The following PRKG1 variants were observed in gnomAD, a reference collection of about 807,000 sequenced individuals.
PRKG1 encodes the protein protein kinase cGMP-dependent 1, also known as cGMP-dependent protein kinase 1.
In PRKG1, 35 loss-of-function variants were observed where a neutral mutation model predicts 88.1. That is an observed-to-expected ratio of 0.40 (90% confidence interval 0.30 to 0.53). PRKG1 has a LOEUF of 0.53. Among genes scored for constraint, PRKG1 ranks in the 20% least tolerant of loss-of-function variants. The pLI, the probability that PRKG1 is intolerant of heterozygous loss-of-function variation, is 0.59. For missense variants in PRKG1, 540 were observed against 839.8 expected (o/e 0.64, Z 4.41); for synonymous variants, 303 against 292.5 (o/e 1.04, Z -0.37).
chr10:52,228,497 G>A (rs538646656), intron 9 of PRKG1, among the ~76,000 whole-genome samples: 13 of 152,150 alleles, frequency 8.5e-5, no homozygotes, highest in African/African-American at 2.6e-4. Flanking sequence ...ATTTAGCCTG[G>A]GAATGAGAGG....
chr10:52,181,359 A>C (rs543864379), intron 9 of PRKG1, among the ~76,000 whole-genome samples: 1 of 150,928 alleles, frequency 6.6e-6, no homozygotes, highest in East Asian at 1.9e-4. Flanking sequence ...GTTGCTGTGA[A>C]GGAATACTTG....
chr10:51,695,752 A>G (rs892864320), intron 3 of PRKG1: 1 of 152,210 alleles, frequency 6.6e-6, no homozygotes, highest in Non-Finnish European at 1.5e-5. Flanking sequence ...CAGGTAGTAG[A>G]AAACAACAGC....
At chr10:51,230,801 T>A (rs1838824567) in intron 2 of PRKG1, among the ~76,000 whole-genome samples, 1 of 151,548 alleles carries the variant, frequency 6.6e-6, no homozygotes, top group Admixed American at 6.6e-5. Context: ...AAAAAAAGCC[T>A]GCACATGTTC....
Position 51,074,909 on chromosome 10 carries a change from G to T in PRKG1, c.311+8G>T. 6.3e-7 allele frequency: 1 copy of T among 1,590,080 alleles called. No homozygotes were observed. Among genetic ancestry groups the T allele is most frequent in the East Asian group, 2.3e-5 (1 of 44,092 alleles). Reference sequence around the variant, plus strand: ...CTACCCCAAGAGCCCACAGTAAGCAGGGGTGACGCGCCGGGTCCATGTGGC... The same window carrying T: ...CTACCCCAAGAGCCCACAGTAAGCATGGGTGACGCGCCGGGTCCATGTGGC... On this transcript the variant is annotated splice_region_variant and intron_variant, in intron 1 of 17. Coordinates refer to ENST00000373980, the MANE Select transcript of PRKG1 (RefSeq NM_006258.4).
At chr10:51,141,619 G>A (rs1395896835) in intron 1 of PRKG1, among the ~76,000 whole-genome samples, 1 of 152,164 alleles carries the variant, frequency 6.6e-6, no homozygotes, top group Non-Finnish European at 1.5e-5. Flanking sequence ...AAGGGACAAA[G>A]TTTTAAAGGA....
intron 3 of PRKG1, among the ~76,000 whole-genome samples, chr10:51,541,464 C>T (rs974391975): frequency 7.2e-5 from 11 of 152,062 alleles, no homozygotes; most frequent in Non-Finnish European, 1.3e-4. Flanking sequence ...GTTCATGGAT[C>T]GATATTCAAT....
chr10:51,256,190 C>A (rs1476919175), intron 2 of PRKG1, among the ~76,000 whole-genome samples: 2 of 152,108 alleles, frequency 1.3e-5, no homozygotes, highest in Non-Finnish European at 2.9e-5. Context: ...TCCCAAGAGC[C>A]CCCACAGACC....
chr10:51,649,155 A>C (rs74706642), intron 3 of PRKG1, among the ~76,000 whole-genome samples: 4,608 of 152,320 alleles, frequency 0.03, 124 homozygotes, highest in African/African-American at 0.068. Context: ...ATTCAAATGC[A>C]GATTTCAAGT....
chr10:51,594,381 T>C (rs1264265648), intron 3 of PRKG1, among the ~76,000 whole-genome samples: 1 of 152,208 alleles, frequency 6.6e-6, no homozygotes, highest in Non-Finnish European at 1.5e-5. Context: ...GATCATGTTC[T>C]GCAGGTAGCC....
chr10:52,046,573 A>G (rs1173234058), intron 5 of PRKG1, among the ~76,000 whole-genome samples: 1 of 152,100 alleles, frequency 6.6e-6, no homozygotes, highest in Non-Finnish European at 1.5e-5. Context: ...CCTCACAACA[A>G]TCTGTTTATG....
chr10:51,588,827 A>G (rs574924434), intron 3 of PRKG1, among the ~76,000 whole-genome samples: 156 of 152,312 alleles, frequency 1.0e-3, no homozygotes, highest in South Asian at 6.0e-3. Flanking sequence ...CTTTCCATCA[A>G]AAGGCTAGGA....
intron 3 of PRKG1, among the ~76,000 whole-genome samples, chr10:51,691,906 AC>A (rs1269186261): frequency 6.6e-6 from 1 of 152,220 alleles, no homozygotes; most frequent in East Asian, 1.9e-4. Flanking sequence ...AGGGAACAAA[AC>A]TTGAATAACA....
chr10:51,972,493 G>A (rs1285229547), intron 5 of PRKG1, among the ~76,000 whole-genome samples: 1 of 152,152 alleles, frequency 6.6e-6, no homozygotes, highest in African/African-American at 2.4e-5. Context: ...TGGCTAAGAA[G>A]TGTACCAATT....
At chr10:51,772,116 T>A (rs892543178) in intron 3 of PRKG1, among the ~76,000 whole-genome samples, 1 of 152,176 alleles carries the variant, frequency 6.6e-6, no homozygotes, top group Non-Finnish European at 1.5e-5. Context: ...AAAATAATTA[T>A]AACATCAAGT....
intron 7 of PRKG1, among the ~76,000 whole-genome samples, chr10:52,131,837 A>AC (rs1837273210): frequency 6.7e-6 from 1 of 148,868 alleles, no homozygotes; most frequent in Non-Finnish European, 1.5e-5. Flanking sequence ...AAAAAAAAAA[A>AC]AAAAAAAAAG....
chr10:52,031,534 T>G (rs1845474320), intron 5 of PRKG1, among the ~76,000 whole-genome samples: 1 of 152,218 alleles, frequency 6.6e-6, no homozygotes, highest in Non-Finnish European at 1.5e-5. Context: ...AGTAATTTAG[T>G]GATTTTACAA....
At chr10:51,483,643 G>C (rs962674338) in intron 3 of PRKG1, among the ~76,000 whole-genome samples, 16 of 152,106 alleles carry the variant, frequency 1.1e-4, no homozygotes, top group African/African-American at 3.9e-4. Context: ...ACAATACTTA[G>C]GAAATGAAGC....
At chr10:51,503,263 T>C (rs1841088031) in intron 3 of PRKG1, among the ~76,000 whole-genome samples, 1 of 152,154 alleles carries the variant, frequency 6.6e-6, no homozygotes, top group African/African-American at 2.4e-5. Flanking sequence ...TTTCAGTTCT[T>C]TCCTTTTATA....
chr10:52,076,548 C>T (rs1304059527), intron 7 of PRKG1, among the ~76,000 whole-genome samples: 2 of 152,158 alleles, frequency 1.3e-5, no homozygotes, highest in African/African-American at 2.4e-5. Context: ...CAGAGCAAGA[C>T]TCTGTCAGAA....
Sources: gnomAD v4.1 joint callset for allele counts (sites outside exome capture counted in the v4.1 genomes callset) on GRCh38, gnomAD v4.1.1 for gene constraint, MANE v1.5 for transcripts, NCBI Gene and HGNC (gene_info 2026-07-23, HGNC 2026-07-21) for gene names.